The following ZNF227 variants were observed in gnomAD, a reference collection of about 807,000 sequenced individuals.
The protein encoded by ZNF227 is zinc finger protein 227.
ZNF227 carries 12 observed loss-of-function variants against 13.2 expected under a neutral mutation model. The ratio of observed to expected loss-of-function variants is 0.91; its 90% CI spans 0.58 to 1.47. ZNF227 has a LOEUF of 1.47. ZNF227 is among the 40% of genes most tolerant of loss of function. The pLI, the probability that ZNF227 is intolerant of heterozygous loss-of-function variation, is 0.00. For missense variants in ZNF227, 885 were observed against 967.5 expected (o/e 0.91, Z 1.13); for synonymous variants, 338 against 326.0 (o/e 1.04, Z -0.40).
intron 3 of ZNF227, among the ~76,000 whole-genome samples, chr19:44,226,466 G>T (rs1973174418): frequency 6.6e-6 from 1 of 152,202 alleles, no homozygotes; most frequent in African/African-American, 2.4e-5. Flanking sequence ...ACCTAATCAA[G>T]CCTGGGCAAT....
At chr19:44,219,189 G>A (rs765182525) in intron 3 of ZNF227, among the ~76,000 whole-genome samples, 1 of 152,114 alleles carries the variant, frequency 6.6e-6, no homozygotes, top group Non-Finnish European at 1.5e-5. Context: ...ACCTGGCCCT[G>A]ATATTACCTT....
At position 44,235,685 on chromosome 19, in the gene ZNF227, C is replaced by G; in HGVS notation, c.1255C>G (p.Gln419Glu). The G allele has an allele frequency of 1.9e-6, 3 of 1,613,942 alleles. No individual in the cohort carries two copies. Among genetic ancestry groups the G allele is most frequent in the Non-Finnish European group, 2.5e-6 (3 of 1,179,960 alleles). The change falls in exon 6 of 6, where the codon CAG becomes GAG. Residue 419 changes from glutamine to glutamate, a missense_variant. Transcript: ENST00000313040. ...TGAGGAATGTGGTAAGGGCTTCACT[C>G]AGGCTGCACATTTTCACATCCATCA... ...KCEECGKGFT[Q>E]AAHFHIHQRV...
rs150755139 is a variant in ZNF227, at chr19:44,235,492, C to T, written c.1062C>T (p.Cys354=). The T allele has an allele frequency of 4.2e-4, 682 of 1,613,840 alleles. 2 individuals carry two copies. The African/African-American group carries it at 6.2e-3, about 15-fold the overall frequency. Residue 354 remains cysteine (C), a synonymous_variant, in exon 6 of 6, where the codon TGC becomes TGT. Transcript: ENST00000313040. ...ATACTGGAGAGAAACCCTATAAATG[C>T]GAGGAATGTGGTAAATGCTTTAGTC... is the stretch of plus-strand genomic sequence containing the variant. ...RTHTGEKPYK[C]EECGKCFSQS...
chr19:44,219,661 T>C (rs1388032771), intron 3 of ZNF227, among the ~76,000 whole-genome samples: 3 of 152,072 alleles, frequency 2.0e-5, no homozygotes, highest in Non-Finnish European at 2.9e-5. Flanking sequence ...GATTCAGGAA[T>C]GCTTGTACTG....
At chr19:44,215,365 T>C (rs1971764587) in intron 2 of ZNF227, among the ~76,000 whole-genome samples, 2 of 151,754 alleles carry the variant, frequency 1.3e-5, no homozygotes, top group African/African-American at 2.4e-5. Flanking sequence ...TGCCATTTGC[T>C]CAGTACAGTA....
intron 4 of ZNF227, chr19:44,228,799 A>T: frequency 2.1e-6 from 1 of 487,656 alleles, no homozygotes; most frequent in Admixed American, 4.0e-5. Context: ...CCCCCAGAAG[A>T]TATTTGGCAA....
At chr19:44,207,558 A>T (rs375499604), upstream of ZNF227, 1 of 152,160 alleles carries the variant, frequency 6.6e-6, no homozygotes, top group African/African-American at 2.4e-5. Context: ...GTTGCTGGGA[A>T]GTTTTTTCGC....
chr19:44,226,578 A>G (rs1203718798), intron 3 of ZNF227, among the ~76,000 whole-genome samples: 3 of 152,180 alleles, frequency 2.0e-5, no homozygotes, highest in African/African-American at 7.2e-5. Context: ...CCTCCGAGCC[A>G]TGTGCAGGAT....
rs1486386516 is a variant in ZNF227 at position 44,234,931 on chromosome 19, A to G, written c.501A>G (p.Gln167=). 3 of 1,613,394 alleles carry G rather than the reference A, an allele frequency of 1.9e-6. No homozygotes were observed. The highest frequency in any genetic ancestry group is 2.5e-6 in the Non-Finnish European group (3 of 1,179,914). ...ATAGCTCTATTTATATTGAAAATCA[A>G]GAGTTTCCATTTTGGAGAACCCAGC... ...KGDSSIYIEN[Q]EFPFWRTQHS... is the part of the protein sequence containing the mutation. Residue 167 remains glutamine, a synonymous_variant, in exon 6 of 6, where the codon CAA becomes CAG. Coordinates refer to ENST00000313040, the MANE Select transcript of ZNF227 (RefSeq NM_182490.3).
At chr19:44,230,926 A>AATATATATATATATAT (rs58952117) in intron 5 of ZNF227, among the ~76,000 whole-genome samples, 10 of 68,106 alleles carry the variant, frequency 1.5e-4, no homozygotes, top group African/African-American at 7.8e-4. Flanking sequence ...AAAAAAAAAA[A>AATATATATATATATAT]ATATATATAT....
chr19:44,212,646 A>T (rs756943715), intron 1 of ZNF227, 61 bp downstream of exon 1: 10 of 152,014 alleles, frequency 6.6e-5, no homozygotes, highest in African/African-American at 9.7e-5. Context: ...GCTTGGGAAT[A>T]GGCGCTCCCC....
chr19:44,212,504 AAGGGTAGTTCAGGAGCTCTGGGC>A (rs1292308271), upstream of ZNF227: 1 of 151,096 alleles, frequency 6.6e-6, no homozygotes, highest in Non-Finnish European at 1.5e-5. Context: ...GCCTTCTGGG[AAGGGTAGTTCAGGAGCTCTGGGC>A]AGGCAGAGCC....
chr19:44,226,257 G>A (rs971370965), intron 3 of ZNF227, among the ~76,000 whole-genome samples: 12 of 152,204 alleles, frequency 7.9e-5, no homozygotes, highest in South Asian at 2.1e-4. Context: ...GCAGTCTGCC[G>A]GATCTCAGAT....
chr19:44,232,105 G>A (rs191729164), intron 5 of ZNF227, among the ~76,000 whole-genome samples: 78 of 152,304 alleles, frequency 5.1e-4, no homozygotes, highest in African/African-American at 1.7e-3. Context: ...CAGAAGTCCA[G>A]AGGCACTGAC....
At position 44,234,734 on chromosome 19, in the gene ZNF227, CA is replaced by C; in HGVS notation, c.309del (p.Lys103AsnfsTer4). ...GCATCAAAATAAGATGGAAACACTC[CA>C]AAAATTTGCATTAAAATACCTTTCA... ...SKHQNKMETL[Q>X]KFALKYLSNQ... On this transcript the variant is annotated frameshift_variant, in exon 6 of 6. Coordinates refer to ENST00000313040, the MANE Select transcript of ZNF227 (RefSeq NM_182490.3). LOFTEE classifies it low-confidence loss of function (END_TRUNC). The C allele has an allele frequency of 6.3e-7, 1 of 1,597,856 alleles. No homozygotes were observed. The highest frequency in any genetic ancestry group is 8.5e-7 in the Non-Finnish European group (1 of 1,175,830).
intron 2 of ZNF227, chr19:44,217,407 C>G: frequency 2.1e-6 from 1 of 475,362 alleles, no homozygotes; most frequent in South Asian, 1.5e-5. Context: ...TTACCATATC[C>G]TCATTGTACA....
At position 44,235,432 on chromosome 19, in the gene ZNF227, T is replaced by C. The variant is rs1244673976; in HGVS notation, c.1002T>C (p.Ser334=). The change falls in exon 6 of 6, where the codon AGT becomes AGC. Residue 334 remains serine, a synonymous_variant. Transcript: ENST00000313040. ...YRCDSCGKGF[S]SSTGLIIHYR... ...GCGACAGTTGCGGCAAGGGATTCAG[T>C]AGCAGCACGGGTCTTATCATTCATT... The C allele has an allele frequency of 6.2e-7, 1 of 1,614,082 alleles. No individual in the cohort carries two copies. The highest frequency in any genetic ancestry group is 8.5e-7 in the Non-Finnish European group (1 of 1,180,020).
In ZNF227 at chr19:44,229,793, T is replaced by C. The variant is rs938535314; in HGVS notation, c.248T>C (p.Met83Thr). The C allele has an allele frequency of 6.3e-6, 10 of 1,583,418 alleles. No individual in the cohort carries two copies. The African/African-American group carries it at 1.3e-4, about 21-fold the overall frequency. Residue 83 changes from methionine (M) to threonine (T), a missense_variant, in exon 5 of 6, where the codon ATG (methionine) becomes ACG (threonine). Met to Thr is a moderately conservative substitution (Grantham distance 81). Coordinates refer to ENST00000313040, the MANE Select transcript of ZNF227 (RefSeq NM_182490.3). The part of the protein sequence containing the change: ...SQLEAEEKLW[M>T]METETQRSSK... ...TTGGAAGCAGAAGAAAAGCTTTGGA[T>C]GATGGAAACAGAAACCCAAAGAAGT...
rs1446807577 is a variant in ZNF227 at position 44,237,192 on chromosome 19, A to T, written c.*362A>T. ...ATCCCTTTTCTTTAATTTTCATTTT[A>T]TACTTACAGTGATCATTATTTTCAT... On this transcript the variant is annotated 3_prime_UTR_variant, in exon 6 of 6. Coordinates refer to ENST00000313040, the MANE Select transcript of ZNF227 (RefSeq NM_182490.3). 2 of 179,138 alleles carry T rather than the reference A, an allele frequency of 1.1e-5. No individual in the cohort carries two copies. The highest frequency in any genetic ancestry group is 5.6e-5 in the Admixed American group (1 of 17,816). The allele number at this position is 179,138 out of a possible 1,614,324, so 11.1% of individuals were successfully genotyped here. A position where few individuals can be genotyped will look rare whatever the true frequency, so the allele number is the denominator to read the frequency against.
Sources: allele counts gnomAD v4.1 joint callset (sites outside exome capture counted in the v4.1 genomes callset), GRCh38; gene constraint gnomAD v4.1.1; transcripts MANE v1.5; gene names NCBI Gene and HGNC (gene_info 2026-07-23, HGNC 2026-07-21).